GULP1: variants seen among roughly 807,000 people sequenced by gnomAD.
GULP1 encodes the protein PTB domain-containing engulfment adapter protein 1.
GULP1 carries 19 observed loss-of-function variants against 40.9 expected under a neutral mutation model. The ratio of observed to expected loss-of-function variants is 0.46; its 90% confidence interval spans 0.32 to 0.68. The LOEUF (loss-of-function observed/expected upper bound fraction) is 0.68, where lower values mean the gene tolerates loss of function less well. Ranked by LOEUF, GULP1 falls within the 30% of genes least tolerant of loss-of-function variation. GULP1 has a pLI of 0.03. For synonymous variants in GULP1, 119 were observed against 117.6 expected (o/e 1.01, Z -0.08); for missense variants, 312 against 362.2 (o/e 0.86, Z 1.12).
intron 2 of GULP1, among the ~76,000 whole-genome samples, chr2:188,416,688 C>T (rs553378616): frequency 7.2e-5 from 11 of 152,222 alleles, no homozygotes; most frequent in African/African-American, 1.9e-4. Context: ...GTCCTCCATC[C>T]TGAGAAAGGA....
At chr2:188,348,820 C>A (rs929281099) in intron 1 of GULP1, among the ~76,000 whole-genome samples, 7 of 152,132 alleles carry the variant, frequency 4.6e-5, no homozygotes, top group African/African-American at 1.2e-4. Flanking sequence ...TGGAACCAGT[C>A]CCCCTCCGAT....
intron 2 of GULP1, among the ~76,000 whole-genome samples, chr2:188,396,234 A>T (rs2051242417): frequency 6.6e-6 from 1 of 152,132 alleles, no homozygotes; most frequent in African/African-American, 2.4e-5. Flanking sequence ...AACTGCCAAA[A>T]TTTCTGTCTT....
At chr2:188,422,745 T>A (rs1047196122) in intron 2 of GULP1, among the ~76,000 whole-genome samples, 1 of 152,118 alleles carries the variant, frequency 6.6e-6, no homozygotes, top group African/African-American at 2.4e-5. Context: ...ATAAATTTTT[T>A]AAACTACTAT....
intron 4 of GULP1, among the ~76,000 whole-genome samples, chr2:188,487,852 T>G (rs1003172489): frequency 2.6e-5 from 4 of 151,982 alleles, no homozygotes; most frequent in African/African-American, 9.7e-5. Flanking sequence ...GAGAGAAGGC[T>G]TGCTGGCCCA....
chr2:188,570,173 G>C, intron 9 of GULP1, 53 bp downstream of exon 9: 1 of 749,750 alleles, frequency 1.3e-6, no homozygotes, highest in Non-Finnish European at 2.3e-6. Context: ...TAAAACATCT[G>C]TGTATCACTA....
intron 1 of GULP1, among the ~76,000 whole-genome samples, chr2:188,368,619 G>A (rs2152423921): frequency 6.6e-6 from 1 of 151,114 alleles, no homozygotes; most frequent in African/African-American, 2.4e-5. Flanking sequence ...AAATAAAATA[G>A]ACTTTAGTTA....
At chr2:188,337,827 C>T (rs969253192) in intron 1 of GULP1, among the ~76,000 whole-genome samples, 3 of 151,934 alleles carry the variant, frequency 2.0e-5, no homozygotes, top group Non-Finnish European at 4.4e-5. Context: ...CTTAAATTAA[C>T]TAGGGTCCAT....
At chr2:188,490,796 G>A (rs966983350) in intron 4 of GULP1, among the ~76,000 whole-genome samples, 22 of 152,080 alleles carry the variant, frequency 1.4e-4, no homozygotes, top group African/African-American at 5.3e-4. Flanking sequence ...TTTGGCCCTA[G>A]ATGAAATAAT....
chr2:188,483,312 T>G, intron 3 of GULP1, 119 bp from the exon 4 acceptor site: 1 of 462,532 alleles, frequency 2.2e-6, no homozygotes, highest in Non-Finnish European at 4.0e-6. Flanking sequence ...TCTTTGTCAT[T>G]TTGGCAAAGA....
At chr2:188,463,757 CT>C (rs895816392) in intron 2 of GULP1, among the ~76,000 whole-genome samples, 27 of 151,898 alleles carry the variant, frequency 1.8e-4, no homozygotes, top group African/African-American at 6.3e-4. Context: ...CCCACTAATT[CT>C]TTCCTCTGCT....
intron 1 of GULP1, among the ~76,000 whole-genome samples, chr2:188,340,736 A>C (rs912243064): frequency 1.3e-5 from 2 of 152,046 alleles, no homozygotes; most frequent in Non-Finnish European, 2.9e-5. Context: ...ATCCGGGAAA[A>C]ATCAGATCGC....
chr2:188,573,195 C>T (rs1699449599), intron 9 of GULP1, among the ~76,000 whole-genome samples: 1 of 152,114 alleles, frequency 6.6e-6, no homozygotes, highest in Middle Eastern at 3.4e-3. Context: ...TAATGTGTTT[C>T]CTATTAAAAA....
intron 1 of GULP1, among the ~76,000 whole-genome samples, chr2:188,332,478 G>A (rs1451667406): frequency 1.3e-5 from 2 of 152,092 alleles, no homozygotes; most frequent in African/African-American, 4.8e-5. Context: ...ATGAGCCATC[G>A]TGCCAAATCT....
intron 1 of GULP1, among the ~76,000 whole-genome samples, chr2:188,366,679 C>T (rs1283215615): frequency 3.3e-5 from 5 of 150,546 alleles, no homozygotes; most frequent in Non-Finnish European, 5.9e-5. Flanking sequence ...TTGCAAGCTC[C>T]GCCTCCCAGG....
intron 1 of GULP1, among the ~76,000 whole-genome samples, chr2:188,347,614 A>AT (rs10627846): frequency 0.47 from 64,157 of 135,124 alleles, 15,729 homozygotes; most frequent in East Asian, 0.69. Flanking sequence ...ATCTCAAAGC[A>AT]TTTTTTTTTT....
intron 5 of GULP1, among the ~76,000 whole-genome samples, chr2:188,524,864 G>A (rs1418533699): frequency 2.6e-5 from 4 of 151,382 alleles, no homozygotes; most frequent in African/African-American, 9.7e-5. Context: ...TTCAGTATGT[G>A]AATTTATTTG....
chr2:188,412,514 G>A (rs1192407722), intron 2 of GULP1, among the ~76,000 whole-genome samples: 1 of 151,922 alleles, frequency 6.6e-6, no homozygotes, highest in Non-Finnish European at 1.5e-5. Flanking sequence ...GTGTCCTCTG[G>A]AACTCCCACG....
intron 9 of GULP1, chr2:188,582,405 G>T (rs747753713): frequency 1.3e-5 from 6 of 471,352 alleles, no homozygotes; most frequent in Non-Finnish European, 2.6e-5. Context: ...TCTTTCTGGC[G>T]TAGTAATGGT....
chr2:188,471,239 C>T (rs1450125764), intron 2 of GULP1, among the ~76,000 whole-genome samples: 1 of 152,020 alleles, frequency 6.6e-6, no homozygotes, highest in Non-Finnish European at 1.5e-5. Context: ...CTATGAGTGC[C>T]TTTATAGGTG....
Sources: gnomAD v4.1 joint callset for allele counts (sites outside exome capture counted in the v4.1 genomes callset) on GRCh38, gnomAD v4.1.1 for gene constraint, MANE v1.5 for transcripts, NCBI Gene and HGNC (gene_info 2026-07-23, HGNC 2026-07-21) for gene names.